CCSER1: variants seen among roughly 807,000 people sequenced by gnomAD.
The protein encoded by CCSER1 is serine-rich coiled-coil domain-containing protein 1.
CCSER1 carries 41 observed loss-of-function variants against 82.0 expected under a neutral mutation model. The ratio of observed to expected loss-of-function variants is 0.50; its 90% CI spans 0.39 to 0.65. The LOEUF (loss-of-function observed/expected upper bound fraction) is 0.65, where lower values mean the gene tolerates loss of function less well. Ranked by LOEUF, CCSER1 falls within the 30% of genes least tolerant of loss-of-function variation. The pLI, the probability that CCSER1 is intolerant of heterozygous loss-of-function variation, is 0.00. For synonymous variants in CCSER1, 414 were observed against 383.9 expected (o/e 1.08, Z -0.92); for missense variants, 1,119 against 1,064.2 (o/e 1.05, Z -0.72).
intron 1 of CCSER1, among the ~76,000 whole-genome samples, chr4:90,284,177 T>A (rs1226411162): frequency 6.6e-6 from 1 of 152,110 alleles, no homozygotes; most frequent in Non-Finnish European, 1.5e-5. Context: ...TCTTATTACA[T>A]TTTTGCTATT....
intron 10 of CCSER1, among the ~76,000 whole-genome samples, chr4:91,166,084 A>C (rs1290203621): frequency 6.6e-6 from 1 of 152,222 alleles, no homozygotes; most frequent in Non-Finnish European, 1.5e-5. Context: ...ATTATAGCTA[A>C]CATTTTAAGA....
chr4:90,329,282 GATA>G lies in CCSER1; in HGVS notation c.1509+16245_1509+16247del, dbSNP rs145826851. On this transcript the variant is annotated intron_variant, in intron 3 of 10. Coordinates refer to ENST00000509176, the MANE Select transcript of CCSER1 (RefSeq NM_001145065.2). Reference sequence around the variant, plus strand: ...AACTCCAATGTTACCTGTTTCAGAAGATAATAATAATACTGCCCACCTCATACA... The same window carrying G: ...AACTCCAATGTTACCTGTTTCAGAAGATAATAATACTGCCCACCTCATACA... Among the ~76,000 whole-genome samples the G allele has an allele frequency of 2.1e-3, 327 of 152,208 alleles. 11 individuals carry two copies. In the East Asian group the frequency reaches 0.057, roughly 27 times the overall value.
chr4:90,243,824 A>G (rs1397066472), intron 1 of CCSER1, among the ~76,000 whole-genome samples: 1 of 151,750 alleles, frequency 6.6e-6, no homozygotes, highest in Non-Finnish European at 1.5e-5. Flanking sequence ...AAAAATTATT[A>G]CTTCTCTTAC....
chr4:90,888,239 T>G (rs1178064475), intron 8 of CCSER1, among the ~76,000 whole-genome samples: 1 of 152,110 alleles, frequency 6.6e-6, no homozygotes, highest in African/African-American at 2.4e-5. Flanking sequence ...CTAATGCCAG[T>G]GAGAAACAGC....
intron 5 of CCSER1, among the ~76,000 whole-genome samples, chr4:90,550,055 C>A (rs1777263485): frequency 6.6e-6 from 1 of 151,886 alleles, no homozygotes; most frequent in African/African-American, 2.4e-5. Flanking sequence ...GCATTAGATC[C>A]TTTGTAAATA....
In CCSER1 at chr4:91,443,917, A is replaced by T. The variant is rs1279721646; in HGVS notation, c.2218-154655A>T. ...TGGAATTCTTCCTAAAATTAGTAAG[A>T]ATAAACTTAATAATACCCTTATTGA... On this transcript the variant is annotated intron_variant, in intron 10 of 10. Coordinates refer to ENST00000509176, the MANE Select transcript of CCSER1 (RefSeq NM_001145065.2). Among the ~76,000 whole-genome samples the T allele has an allele frequency of 3.3e-5, 5 of 151,912 alleles. No individual in the cohort carries two copies. In the South Asian group the frequency reaches 8.3e-4, roughly 25 times the overall value.
chr4:91,441,177 T>A (rs1222029497), intron 10 of CCSER1, among the ~76,000 whole-genome samples: 4 of 151,744 alleles, frequency 2.6e-5, no homozygotes, highest in Middle Eastern at 3.2e-3. Context: ...AAAAAGAGAG[T>A]TTTAGACCAA....
intron 10 of CCSER1, among the ~76,000 whole-genome samples, chr4:91,576,760 C>T (rs1397780232): frequency 6.6e-6 from 1 of 151,772 alleles, no homozygotes; most frequent in Non-Finnish European, 1.5e-5. Context: ...ATTTTGAGAT[C>T]GGGGTGAAAT....
intron 10 of CCSER1, among the ~76,000 whole-genome samples, chr4:91,121,570 T>G (rs558203364): frequency 6.6e-6 from 1 of 151,802 alleles, no homozygotes; most frequent in Admixed American, 6.6e-5. Flanking sequence ...ATGTGCTATG[T>G]TGTTGTTAAT....
intron 1 of CCSER1, among the ~76,000 whole-genome samples, chr4:90,152,997 T>C (rs1490935165): frequency 6.6e-6 from 1 of 150,794 alleles, no homozygotes; most frequent in South Asian, 2.1e-4. Context: ...AACTCGTCAT[T>C]TAGCATTAGG....
intron 9 of CCSER1, among the ~76,000 whole-genome samples, chr4:91,070,625 G>A (rs1230858366): frequency 6.6e-6 from 1 of 152,092 alleles, no homozygotes; most frequent in Non-Finnish European, 1.5e-5. Context: ...GATTCTTATG[G>A]GAGCACAAAC....
chr4:90,591,541 C>G (rs927373439), intron 5 of CCSER1, among the ~76,000 whole-genome samples: 5 of 152,146 alleles, frequency 3.3e-5, no homozygotes, highest in Non-Finnish European at 7.3e-5. Context: ...ACAACAGATG[C>G]TGGCGAGGCT....
chr4:90,653,862 A>G (rs1810282), intron 6 of CCSER1, among the ~76,000 whole-genome samples: 78,038 of 151,956 alleles, frequency 0.51, 20,276 homozygotes, highest in Middle Eastern at 0.67. Context: ...TTTATGAAGA[A>G]AAGATATTTA....
At chr4:91,431,410 T>C (rs575445163) in intron 10 of CCSER1, among the ~76,000 whole-genome samples, 21 of 152,360 alleles carry the variant, frequency 1.4e-4, no homozygotes, top group African/African-American at 4.8e-4. Context: ...ATTAGTTTTC[T>C]AGGTATACTT....
At chr4:91,489,992 G>C (rs1227173731) in intron 10 of CCSER1, among the ~76,000 whole-genome samples, 1 of 152,050 alleles carries the variant, frequency 6.6e-6, no homozygotes, top group African/African-American at 2.4e-5. Context: ...GTACAAAAAG[G>C]TGTTCAACAT....
intron 5 of CCSER1, among the ~76,000 whole-genome samples, chr4:90,612,341 G>T (rs761040900): frequency 1.3e-5 from 2 of 152,122 alleles, no homozygotes; most frequent in Non-Finnish European, 2.9e-5. Flanking sequence ...AGGGTATTTG[G>T]AGAACGGGGT....
At chr4:91,411,488 A>G (rs1270111436) in intron 10 of CCSER1, among the ~76,000 whole-genome samples, 1 of 53,746 alleles carries the variant, frequency 1.9e-5, no homozygotes, top group Non-Finnish European at 4.1e-5. Flanking sequence ...TTCTGCATAT[A>G]TACATATATA....
chr4:91,283,886 A>T (rs2149206801), intron 10 of CCSER1, among the ~76,000 whole-genome samples: 1 of 152,194 alleles, frequency 6.6e-6, no homozygotes, highest in East Asian at 1.9e-4. Context: ...CTGTGTTGTA[A>T]ACATGACTGT....
intron 3 of CCSER1, among the ~76,000 whole-genome samples, chr4:90,328,414 C>T (rs1738619917): frequency 6.6e-6 from 1 of 151,954 alleles, no homozygotes; most frequent in South Asian, 2.1e-4. Flanking sequence ...TTAAAATAGT[C>T]AAGTAATTCT....
Sources: gnomAD v4.1 joint callset for allele counts (sites outside exome capture counted in the v4.1 genomes callset) on GRCh38, gnomAD v4.1.1 for gene constraint, MANE v1.5 for transcripts, NCBI Gene and HGNC (gene_info 2026-07-23, HGNC 2026-07-21) for gene names.